The following MTOR variants were observed in gnomAD, a reference collection of about 807,000 sequenced individuals.
The protein encoded by MTOR is serine/threonine-protein kinase mTOR.
Under a neutral mutation model 319.8 loss-of-function variants are expected in MTOR, and 70 were observed. The observed-to-expected ratio is 0.22, with a 90% CI of 0.18 to 0.27. MTOR has a LOEUF of 0.27. MTOR is among the 10% of genes least tolerant of loss of function. The probability of loss-of-function intolerance (pLI) is 1.00; values close to 1 mark genes in which losing one functional copy is unlikely to be tolerated. For synonymous variants in MTOR, 1,183 were observed against 1,211.4 expected, an observed-to-expected ratio of 0.98 and a Z score of 0.49; for missense variants, 1,890 against 3,274.4, an observed-to-expected ratio of 0.58 and a Z score of 10.32.
intron 24 of MTOR, among the ~76,000 whole-genome samples, chr1:11,209,772 C>G (rs886138660): frequency 1.3e-5 from 2 of 152,198 alleles, no homozygotes; most frequent in Admixed American, 1.3e-4. Context: ...TGGCAAACAG[C>G]CCCCATCCCC....
At chr1:11,247,227 T>G (rs896321468) in intron 8 of MTOR, among the ~76,000 whole-genome samples, 3 of 152,210 alleles carry the variant, frequency 2.0e-5, no homozygotes, top group African/African-American at 7.2e-5. Flanking sequence ...TGATGCTGCC[T>G]GCAAGTGGTG....
In MTOR at chr1:11,233,149, T is replaced by A. The variant is rs1463497603; in HGVS notation, c.2421+249A>T. ...GCACATGAGATGGCACACACATTTA[T>A]GCTGTCTGAAGGTCACAATGATATT... is the stretch of plus-strand genomic sequence containing the variant. On this transcript the variant is annotated intron_variant, in intron 15 of 57. Transcript: ENST00000361445. 12 of 1,034,680 alleles carry A rather than the reference T, an allele frequency of 1.2e-5. No individual in the cohort carries two copies. The East Asian group carries it at 2.8e-4, about 24-fold the overall frequency. The allele number at this position is 1,034,680 out of a possible 1,614,324, so 64.1% of individuals were successfully genotyped here.
intron 24 of MTOR, among the ~76,000 whole-genome samples, chr1:11,210,070 G>A (rs1439292934): frequency 6.6e-6 from 1 of 152,222 alleles, no homozygotes; most frequent in Non-Finnish European, 1.5e-5. Flanking sequence ...GTTTCGCCAT[G>A]TTGGCCAGGC....
intron 29 of MTOR, among the ~76,000 whole-genome samples, chr1:11,164,161 G>A (rs1358560400): frequency 1.3e-5 from 2 of 151,766 alleles, no homozygotes; most frequent in African/African-American, 2.4e-5. Context: ...TGGCTAACAC[G>A]GTGAAACCCC....
At chr1:11,184,509 A>T (rs945189602) in intron 28 of MTOR, among the ~76,000 whole-genome samples, 1 of 152,092 alleles carries the variant, frequency 6.6e-6, no homozygotes, top group African/African-American at 2.4e-5. Context: ...TGAGATGGGA[A>T]GATCTCTTGA....
intron 4 of MTOR, 72 bp from the exon 5 acceptor site, chr1:11,256,264 TCATCTTAGAGC>T: frequency 6.5e-7 from 1 of 1,542,388 alleles, no homozygotes; most frequent in Non-Finnish European, 8.8e-7. Flanking sequence ...CAGTCTCTTG[TCATCTTAGAGC>T]CATACACACC....
In MTOR at chr1:11,199,608, G is replaced by A; in HGVS notation, c.4040C>T (p.Ser1347Leu). ...LIRSIELALT[S>L]QDIAEVTQTL... Reference sequence around the variant, plus strand: ...CTGTGTGACTTCAGCGATGTCTTGTGAGGTGAGGGCCAACTCGATGCTTCT... The same window carrying A: ...CTGTGTGACTTCAGCGATGTCTTGTAAGGTGAGGGCCAACTCGATGCTTCT... The change falls in exon 27 of 58, where the codon TCA becomes TTA. Residue 1347 changes from serine (S) to leucine (L), a missense_variant. Physicochemically the swap from Ser to Leu is moderately radical, Grantham distance 145. Transcript: ENST00000361445. The surrounding 1 kb of genome is among the most constrained non-coding windows in gnomAD (Gnocchi z 4.5). 1 of 1,614,200 alleles carries A rather than the reference G, an allele frequency of 6.2e-7. No individual in the cohort carries two copies. The highest frequency in any genetic ancestry group is 8.5e-7 in the Non-Finnish European group (1 of 1,180,036).
At chr1:11,222,307 C>T (rs1646694236) in intron 19 of MTOR, among the ~76,000 whole-genome samples, 1 of 152,042 alleles carries the variant, frequency 6.6e-6, no homozygotes, top group African/African-American at 2.4e-5. Context: ...TGCCATTCTC[C>T]TGTCTCAGCC....
Position 11,127,854 on chromosome 1 carries a change from C to T in MTOR, c.6034-48G>A, listed in dbSNP as rs2100410214. ...AGAAGCATCAAGAATCAGCTAACCTCAGAAAGGTCTGTTTTGGAGACACAG... is the reference window on the plus strand; with the variant it reads ...AGAAGCATCAAGAATCAGCTAACCTTAGAAAGGTCTGTTTTGGAGACACAG... On this transcript the variant is annotated intron_variant, in intron 43 of 57. Transcript: ENST00000361445. This position sits in a 1 kb window ranked among gnomAD's most constrained non-coding sequence, Gnocchi z 5.5. 1.4e-5 allele frequency: 23 copies of T among 1,595,136 alleles called. No homozygotes were observed. The highest frequency in any genetic ancestry group is 2.0e-5 in the Non-Finnish European group (23 of 1,170,356).
intron 29 of MTOR, among the ~76,000 whole-genome samples, chr1:11,161,661 C>G (rs932414771): frequency 6.6e-6 from 1 of 152,168 alleles, no homozygotes; most frequent in African/African-American, 2.4e-5. Flanking sequence ...ACTGGTGATA[C>G]CCAGGCAAAC....
intron 29 of MTOR, among the ~76,000 whole-genome samples, chr1:11,163,747 C>T (rs772142470): frequency 1.3e-5 from 2 of 152,288 alleles, no homozygotes; most frequent in East Asian, 3.9e-4. Flanking sequence ...AGAACATAGA[C>T]ACCACATACC....
In MTOR at chr1:11,121,222, G is replaced by C. The variant is rs1459313896; in HGVS notation, c.6933+24C>G. 1.2e-6 allele frequency: 2 copies of C among 1,611,602 alleles called. No homozygotes were observed. The highest frequency in any genetic ancestry group is 8.5e-7 in the Non-Finnish European group (1 of 1,179,932). On this transcript the variant is annotated intron_variant, in intron 49 of 57. Coordinates refer to ENST00000361445, the MANE Select transcript of MTOR (RefSeq NM_004958.4). The surrounding 1 kb of genome is among the most constrained non-coding windows in gnomAD (Gnocchi z 4.9). ...CGAGTGGGGGTTCCAGGAGAGCGCA[G>C]GTCTGCAGGGCCCAGTGGCCTACCT...
At chr1:11,167,393 C>A in intron 29 of MTOR, 49 bp downstream of exon 29, 1 of 1,487,488 alleles carries the variant, frequency 6.7e-7, no homozygotes, top group South Asian at 1.1e-5. Context: ...CAATAACTCC[C>A]TAGCCAAGTC....
intron 28 of MTOR, chr1:11,189,653 G>T (rs542575916): frequency 1.2e-6 from 2 of 1,614,138 alleles, no homozygotes; most frequent in African/African-American, 2.7e-5. Flanking sequence ...CACCCAGCGT[G>T]GCTGCAGAAG....
In MTOR at chr1:11,115,390, G is replaced by A; in HGVS notation, c.7089+6C>T. ...ATGAGGTTGGGGTTCTAGAACATGT[G>A]TTCACCTCAAAGCAGTCCCCAAAGT... On this transcript the variant is annotated splice_donor_region_variant and intron_variant, in intron 51 of 57. Transcript: ENST00000361445. The surrounding 1 kb of genome is among the most constrained non-coding windows in gnomAD (Gnocchi z 4.5). 2.5e-6 allele frequency: 4 copies of A among 1,613,954 alleles called. No individual in the cohort carries two copies. The highest frequency in any genetic ancestry group is 3.4e-6 in the Non-Finnish European group (4 of 1,179,826).
chr1:11,211,458 C>T (rs563781844), intron 23 of MTOR, among the ~76,000 whole-genome samples: 1 of 152,318 alleles, frequency 6.6e-6, no homozygotes, highest in East Asian at 1.9e-4. Flanking sequence ...GTCTGGAACT[C>T]CTGGGCTCAA....
chr1:11,253,267 T>C (rs2100964038), intron 6 of MTOR, among the ~76,000 whole-genome samples: 1 of 152,280 alleles, frequency 6.6e-6, no homozygotes, highest in East Asian at 1.9e-4. Flanking sequence ...CCAACACATC[T>C]CCTAATTGGT....
At chr1:11,254,728 A>G (rs1569835524) in intron 5 of MTOR, among the ~76,000 whole-genome samples, 3 of 151,440 alleles carry the variant, frequency 2.0e-5, no homozygotes, top group Non-Finnish European at 4.4e-5. Flanking sequence ...ATTTTGAGAC[A>G]CCTATTTTTC....
intron 26 of MTOR, among the ~76,000 whole-genome samples, chr1:11,201,725 A>G (rs1268929126): frequency 1.3e-5 from 2 of 152,198 alleles, no homozygotes; most frequent in African/African-American, 4.8e-5. Flanking sequence ...ATTCACATTT[A>G]TTTTAATTTT....
Sources: allele counts gnomAD v4.1 joint callset (sites outside exome capture counted in the v4.1 genomes callset), GRCh38; gene constraint gnomAD v4.1.1; non-coding constraint Gnocchi (gnomAD v3.1); transcripts MANE v1.5; gene names NCBI Gene and HGNC (gene_info 2026-07-23, HGNC 2026-07-21).